The following MTHFD1L variants were observed in gnomAD, a reference collection of about 807,000 sequenced individuals.
The protein encoded by MTHFD1L is monofunctional C1-tetrahydrofolate synthase, mitochondrial.
A neutral mutation model predicts 119.5 loss-of-function variants in MTHFD1L; 81 were observed. That is an observed-to-expected ratio of 0.68 (90% CI 0.57 to 0.82). The LOEUF (loss-of-function observed/expected upper bound fraction) is 0.82, where lower values mean the gene tolerates loss of function less well. MTHFD1L is among the 40% of genes least tolerant of loss of function. MTHFD1L has a pLI of 0.00. For missense variants in MTHFD1L, 1,125 were observed against 1,253.4 expected (o/e 0.90, Z 1.55); for synonymous variants, 430 against 475.2 (o/e 0.90, Z 1.24).
In MTHFD1L at chr6:150,894,737, C is replaced by T. The variant is rs115631362; in HGVS notation, c.780+6756C>T. Among the ~76,000 whole-genome samples the T allele has an allele frequency of 1.5e-3, 229 of 152,218 alleles. 1 individual carries two copies. Among genetic ancestry groups the T allele is most frequent in the African/African-American group, 5.4e-3 (223 of 41,538 alleles). ...AATAGAAATCGATCCTTTCTCTGTC[C>T]GTCTGTCTAAACGGAAGGATATTCT... On this transcript the variant is annotated intron_variant, in intron 7 of 27. Coordinates refer to ENST00000367321, the MANE Select transcript of MTHFD1L (RefSeq NM_015440.5).
At chr6:150,941,752 G>T (rs1268733998) in intron 13 of MTHFD1L, among the ~76,000 whole-genome samples, 1 of 152,072 alleles carries the variant, frequency 6.6e-6, no homozygotes, top group Admixed American at 6.6e-5. Context: ...TGAACTGTGT[G>T]GTGTGGGGTG....
At position 151,014,856 on chromosome 6, in the gene MTHFD1L, G is replaced by T. The variant is rs760820252; in HGVS notation, c.2308-24G>T. 5 of 1,606,170 alleles carry T rather than the reference G, an allele frequency of 3.1e-6. No individual in the cohort carries two copies. The East Asian group carries it at 8.9e-5, about 29-fold the overall frequency. On this transcript the variant is annotated intron_variant, in intron 22 of 27. Coordinates refer to ENST00000367321, the MANE Select transcript of MTHFD1L (RefSeq NM_015440.5). ...TGGGAGACAATACACAGGGGTCTGG[G>T]TTTTGCTTTTTTCTTTTTTACAGAA...
At chr6:150,941,324 C>T (rs1024792390) in intron 13 of MTHFD1L, among the ~76,000 whole-genome samples, 2 of 152,118 alleles carry the variant, frequency 1.3e-5, no homozygotes, top group Non-Finnish European at 2.9e-5. Flanking sequence ...AGTGTGCAGG[C>T]GCCAGCTCTG....
rs546992152 is a variant in MTHFD1L, at chr6:151,095,544, A to G, written c.*31+2957A>G. 5.6e-4 allele frequency among the ~76,000 whole-genome samples: 85 copies of G among 152,370 alleles called. 1 individual carries two copies. Among genetic ancestry groups the G allele is most frequent in the African/African-American group, 1.8e-3 (74 of 41,588 alleles). On this transcript the variant is annotated intron_variant, in intron 27 of 27. Transcript: ENST00000367321. ...TAGGACTCAGGTCCTACTCAGGGATACATCCTTAGCATTATTAATGCATAC... is the reference window on the plus strand; with the variant it reads ...TAGGACTCAGGTCCTACTCAGGGATGCATCCTTAGCATTATTAATGCATAC...
intron 17 of MTHFD1L, 79 bp from the exon 18 acceptor site, chr6:150,960,196 G>A: frequency 6.6e-7 from 1 of 1,512,026 alleles, no homozygotes; most frequent in Non-Finnish European, 8.8e-7. Flanking sequence ...TTGCTTCATG[G>A]CTGAAGTCCA....
At chr6:150,998,362 C>A (rs1450100019) in intron 20 of MTHFD1L, among the ~76,000 whole-genome samples, 1 of 152,082 alleles carries the variant, frequency 6.6e-6, no homozygotes, top group Admixed American at 6.6e-5. Context: ...GGAATGCTGG[C>A]ATATTTACTT....
chr6:150,977,346 T>G (rs995308181), intron 20 of MTHFD1L, among the ~76,000 whole-genome samples: 3 of 152,196 alleles, frequency 2.0e-5, no homozygotes, highest in Non-Finnish European at 4.4e-5. Flanking sequence ...CAGTAGTCCA[T>G]TTAGACTTAA....
intron 7 of MTHFD1L, among the ~76,000 whole-genome samples, chr6:150,895,141 C>T (rs1784009344): frequency 1.3e-5 from 2 of 152,238 alleles, no homozygotes; most frequent in African/African-American, 2.4e-5. Context: ...CCACACCCAG[C>T]GTCCTGGGCC....
At chr6:150,935,018 A>C (rs1791809626) in intron 11 of MTHFD1L, 8 of 1,611,218 alleles carry the variant, frequency 5.0e-6, no homozygotes, top group Non-Finnish European at 5.1e-6. Context: ...ACCTGCCTTC[A>C]TTCAGTCCTT....
chr6:151,050,099 T>TGCACCTCTTCCCCCATACCTCGCCCTAC (rs1562597403), intron 26 of MTHFD1L, among the ~76,000 whole-genome samples: 1 of 152,212 alleles, frequency 6.6e-6, no homozygotes, highest in South Asian at 2.1e-4. Flanking sequence ...ATGGAAGTTC[T>TGCACCTCTTCCCCCATACCTCGCCCTAC]GCACCTCTTC....
intron 7 of MTHFD1L, among the ~76,000 whole-genome samples, chr6:150,890,287 TTTTG>T (rs10690868): frequency 1.3e-5 from 2 of 151,178 alleles, no homozygotes; most frequent in Non-Finnish European, 2.9e-5. Flanking sequence ...GTGCAAAAAG[TTTTG>T]TTTGTTTGTT....
At chr6:150,935,838 G>A (rs1015808762) in intron 11 of MTHFD1L, among the ~76,000 whole-genome samples, 1 of 152,148 alleles carries the variant, frequency 6.6e-6, no homozygotes, top group African/African-American at 2.4e-5. Flanking sequence ...TCAGAACACA[G>A]TTGTGGGAAT....
At chr6:150,869,880 AT>A (rs1305704529) in intron 1 of MTHFD1L, among the ~76,000 whole-genome samples, 2 of 151,906 alleles carry the variant, frequency 1.3e-5, no homozygotes, top group Admixed American at 1.3e-4. Flanking sequence ...GATGACCATA[AT>A]CCCTCAGCCT....
intron 20 of MTHFD1L, among the ~76,000 whole-genome samples, chr6:151,002,450 G>A (rs1343362399): frequency 2.6e-5 from 4 of 152,094 alleles, no homozygotes; most frequent in Admixed American, 6.5e-5. Context: ...CCCATGCCTC[G>A]GTCTCTTAGA....
chr6:151,082,738 A>G lies in MTHFD1L; in HGVS notation c.2848-9729A>G, dbSNP rs552985623. ...TCCTTCATCTCATTTGAATTTTGAAATGACTCCATAATATATTGTTATACT... is the reference window on the plus strand; with the variant it reads ...TCCTTCATCTCATTTGAATTTTGAAGTGACTCCATAATATATTGTTATACT... On this transcript the variant is annotated intron_variant, in intron 26 of 27. Transcript: ENST00000367321. Among the ~76,000 whole-genome samples, 7 of 152,174 alleles carry G rather than the reference A, an allele frequency of 4.6e-5. No homozygotes were observed. The South Asian group carries it at 1.5e-3, about 32-fold the overall frequency.
intron 27 of MTHFD1L, among the ~76,000 whole-genome samples, chr6:151,098,089 T>A (rs36030957): frequency 4.6e-5 from 7 of 151,722 alleles, no homozygotes; most frequent in Non-Finnish European, 1.0e-4. Context: ...CAGGCAAATC[T>A]CTTGAACCCA....
intron 27 of MTHFD1L, among the ~76,000 whole-genome samples, chr6:151,095,083 T>C (rs1332299459): frequency 6.6e-6 from 1 of 152,264 alleles, no homozygotes; most frequent in Non-Finnish European, 1.5e-5. Context: ...TGTTTGTATG[T>C]GTTTTTTGCT....
chr6:151,086,575 G>T (rs1246217085), intron 26 of MTHFD1L, among the ~76,000 whole-genome samples: 1 of 151,966 alleles, frequency 6.6e-6, no homozygotes, highest in Non-Finnish European at 1.5e-5. Flanking sequence ...TGTTGCTCAG[G>T]CTGGAGTACA....
chr6:150,927,217 A>G (rs990703952), intron 11 of MTHFD1L, among the ~76,000 whole-genome samples: 1 of 152,222 alleles, frequency 6.6e-6, no homozygotes, highest in Non-Finnish European at 1.5e-5. Context: ...TTCAGAAAAC[A>G]GAAGTGAAAA....
Sources: gnomAD v4.1 joint callset for allele counts (sites outside exome capture counted in the v4.1 genomes callset) on GRCh38, gnomAD v4.1.1 for gene constraint, MANE v1.5 for transcripts, NCBI Gene and HGNC (gene_info 2026-07-23, HGNC 2026-07-21) for gene names.